The following LPP variants were observed in gnomAD, a reference collection of about 807,000 sequenced individuals.
The protein encoded by LPP is LIM domain containing preferred translocation partner in lipoma.
Under a neutral mutation model 60.4 loss-of-function variants are expected in LPP, and 38 were observed. That is an observed-to-expected ratio of 0.63 (90% CI 0.49 to 0.83). The LOEUF is 0.83. Among genes scored for constraint, LPP ranks in the 40% least tolerant of loss-of-function variants. LPP has a pLI of 0.00. For synonymous variants in LPP, 328 were observed against 290.8 expected, an observed-to-expected ratio of 1.13 and a Z score of -1.30; for missense variants, 902 against 783.6, an observed-to-expected ratio of 1.15 and a Z score of -1.80.
chr3:188,869,891 C>T (rs1314039410), intron 10 of LPP, among the ~76,000 whole-genome samples: 1 of 152,198 alleles, frequency 6.6e-6, no homozygotes, highest in East Asian at 1.9e-4. Context: ...ACCGCTGCAA[C>T]CACTGCAGTC....
chr3:188,654,348 A>G (rs1852699501), intron 7 of LPP, among the ~76,000 whole-genome samples: 1 of 152,214 alleles, frequency 6.6e-6, no homozygotes, highest in African/African-American at 2.4e-5. Flanking sequence ...GACATTCCTG[A>G]CAGAGGAAAT....
At chr3:188,764,135 TATAGATTTGA>T (rs1733277516) in intron 9 of LPP, among the ~76,000 whole-genome samples, 1 of 152,160 alleles carries the variant, frequency 6.6e-6, no homozygotes, top group Non-Finnish European at 1.5e-5. Flanking sequence ...TGGTTATTCT[TATAGATTTGA>T]ATATGTAAAC....
chr3:188,564,871 C>T (rs1026347791), intron 6 of LPP, among the ~76,000 whole-genome samples: 1 of 151,936 alleles, frequency 6.6e-6, no homozygotes, highest in Non-Finnish European at 1.5e-5. Flanking sequence ...TCTGTGGCAG[C>T]TCCTGTTAGT....
At chr3:188,542,065 C>T (rs1036112677) in intron 6 of LPP, among the ~76,000 whole-genome samples, 4 of 152,136 alleles carry the variant, frequency 2.6e-5, no homozygotes, top group African/African-American at 7.2e-5. Flanking sequence ...AATCTCCCAA[C>T]AAATTTATAA....
chr3:188,242,096 C>T (rs1725131449), intron 2 of LPP, among the ~76,000 whole-genome samples: 2 of 152,118 alleles, frequency 1.3e-5, no homozygotes, highest in South Asian at 4.1e-4. Context: ...GGCGTTAAGA[C>T]AGATCATTTC....
intron 9 of LPP, among the ~76,000 whole-genome samples, chr3:188,812,799 G>T (rs1232629953): frequency 6.6e-6 from 1 of 150,884 alleles, no homozygotes; most frequent in African/African-American, 2.4e-5. Flanking sequence ...CTCTCTCGCT[G>T]CAGCTTTCTG....
At position 188,880,751 on chromosome 3, in the gene LPP, G is replaced by A; in HGVS notation, c.*6272G>A. ...GCACTGAATGTAGCTTCTAAAATCA[G>A]TTCTCTACCCTACGAATGGAATGTT... is the stretch of plus-strand genomic sequence containing the variant. On this transcript the variant is annotated 3_prime_UTR_variant, in exon 12 of 12. Transcript: ENST00000617246. 1 of 184,096 alleles carries A rather than the reference G, an allele frequency of 5.4e-6. No individual in the cohort carries two copies. Among genetic ancestry groups the A allele is most frequent in the African/African-American group, 2.3e-5 (1 of 42,698 alleles). 11.4% of individuals were successfully genotyped at this position (184,096 alleles called of 1,614,324 possible). A position where few individuals can be genotyped will look rare whatever the true frequency, so the allele number is the denominator to read the frequency against.
chr3:188,445,930 A>AT (rs969754250), intron 4 of LPP, among the ~76,000 whole-genome samples: 1 of 152,144 alleles, frequency 6.6e-6, no homozygotes, highest in African/African-American at 2.4e-5. Flanking sequence ...CAGTTTTATC[A>AT]TTTTTAAGGT....
intron 4 of LPP, among the ~76,000 whole-genome samples, chr3:188,468,841 A>T (rs904257874): frequency 6.6e-6 from 1 of 152,160 alleles, no homozygotes; most frequent in African/African-American, 2.4e-5. Context: ...CTCCAGAATG[A>T]AAGACCTTCT....
chr3:188,769,122 A>G (rs1315840161), intron 9 of LPP, among the ~76,000 whole-genome samples: 1 of 152,250 alleles, frequency 6.6e-6, no homozygotes, highest in East Asian at 1.9e-4. Flanking sequence ...ATATCTAGGT[A>G]AAACTTTAAA....
At chr3:188,743,978 G>A (rs561148501) in intron 8 of LPP, among the ~76,000 whole-genome samples, 1 of 152,200 alleles carries the variant, frequency 6.6e-6, no homozygotes, top group African/African-American at 2.4e-5. Flanking sequence ...AGGGGCATTT[G>A]CATTGTAGTA....
chr3:188,739,448 G>GAAAACATGGGGCAGGTA (rs1256938384), intron 8 of LPP, among the ~76,000 whole-genome samples: 2 of 152,022 alleles, frequency 1.3e-5, no homozygotes, highest in Non-Finnish European at 2.9e-5. Context: ...CATAGAGATT[G>GAAAACATGGGGCAGGTA]GAAAACATGG....
At chr3:188,179,537 G>A in intron 1 of LPP, 1 of 457,238 alleles carries the variant, frequency 2.2e-6, no homozygotes, top group Non-Finnish European at 4.4e-6. Flanking sequence ...AGTTCCTCTC[G>A]TGCTCTCATA....
At chr3:188,265,008 G>C (rs556401388) in intron 2 of LPP, among the ~76,000 whole-genome samples, 1 of 152,062 alleles carries the variant, frequency 6.6e-6, no homozygotes, top group Non-Finnish European at 1.5e-5. Context: ...TTCTGCTCGC[G>C]TCACCCTTCT....
In LPP at chr3:188,636,248, C is replaced by T. The variant is rs189747403; in HGVS notation, c.1113+26404C>T. ...GCGAGGCATTGCCTCACTCGGGAAGCGCAAGGGGTCAGGGAGTTCCCTTTC... is the reference window on the plus strand; with the variant it reads ...GCGAGGCATTGCCTCACTCGGGAAGTGCAAGGGGTCAGGGAGTTCCCTTTC... On this transcript the variant is annotated intron_variant, in intron 7 of 11. Coordinates refer to ENST00000617246, the MANE Select transcript of LPP (RefSeq NM_001375462.1). 4.7e-4 allele frequency among the ~76,000 whole-genome samples: 72 copies of T among 152,298 alleles called. 2 individuals carry two copies. The highest frequency in any genetic ancestry group is 3.7e-3 in the Admixed American group (57 of 15,302).
chr3:188,604,881 G>A (rs1372829752), intron 6 of LPP, among the ~76,000 whole-genome samples: 1 of 152,126 alleles, frequency 6.6e-6, no homozygotes, highest in Non-Finnish European at 1.5e-5. Flanking sequence ...GGAGGATTCA[G>A]GCAAAGTTTC....
chr3:188,384,870 A>G (rs1330298012), intron 3 of LPP, among the ~76,000 whole-genome samples: 3 of 151,242 alleles, frequency 2.0e-5, no homozygotes, highest in African/African-American at 7.3e-5. Flanking sequence ...TTGAAGGGCC[A>G]GAGAGATAGA....
At chr3:188,596,396 C>G (rs2151158953) in intron 6 of LPP, among the ~76,000 whole-genome samples, 1 of 152,234 alleles carries the variant, frequency 6.6e-6, no homozygotes, top group East Asian at 1.9e-4. Context: ...ACCCTTCCTC[C>G]TACTCTGTGG....
chr3:188,248,497 T>TATATATATATATATAC (rs1288280759), intron 2 of LPP, among the ~76,000 whole-genome samples: 3 of 140,722 alleles, frequency 2.1e-5, no homozygotes, highest in Non-Finnish European at 3.1e-5. Context: ...TATATATATA[T>TATATATATATATATAC]ACAGTCAGCA....
Sources: gnomAD v4.1 joint callset for allele counts (sites outside exome capture counted in the v4.1 genomes callset) on GRCh38, gnomAD v4.1.1 for gene constraint, MANE v1.5 for transcripts, NCBI Gene and HGNC (gene_info 2026-07-23, HGNC 2026-07-21) for gene names.